LHFPL3: variants seen among roughly 807,000 people sequenced by gnomAD.
The protein encoded by LHFPL3 is LHFPL tetraspan subfamily member 3.
Under a neutral mutation model 19.3 loss-of-function variants are expected in LHFPL3, and 5 were observed. The ratio of observed to expected loss-of-function variants is 0.26; its 90% CI spans 0.14 to 0.54. LHFPL3 has a LOEUF of 0.54. Among genes scored for constraint, LHFPL3 ranks in the 20% least tolerant of loss-of-function variants. LHFPL3 has a pLI of 0.94. For missense variants in LHFPL3, 249 were observed against 307.4 expected, an observed-to-expected ratio of 0.81 and a Z score of 1.42; for synonymous variants, 133 against 126.2, an observed-to-expected ratio of 1.05 and a Z score of -0.36.
intron 2 of LHFPL3, among the ~76,000 whole-genome samples, chr7:104,759,165 T>C (rs1365814523): frequency 6.6e-6 from 1 of 152,188 alleles, no homozygotes; most frequent in Non-Finnish European, 1.5e-5. Flanking sequence ...GAACGCTGAC[T>C]TTTTTGAATG....
At chr7:104,585,591 T>C (rs1790558515) in intron 1 of LHFPL3, among the ~76,000 whole-genome samples, 1 of 151,728 alleles carries the variant, frequency 6.6e-6, no homozygotes. Context: ...GCAGGCTATA[T>C]TGTTCTACAG....
intron 1 of LHFPL3, among the ~76,000 whole-genome samples, chr7:104,381,516 CCTTCCTCCTTT>C (rs1244823380): frequency 6.6e-6 from 1 of 152,026 alleles, no homozygotes; most frequent in Non-Finnish European, 1.5e-5. Context: ...TTCTTTCCTT[CCTTCCTCCTTT>C]CTTCCATCTT....
At chr7:104,673,363 T>C (rs530108031) in intron 1 of LHFPL3, among the ~76,000 whole-genome samples, 20 of 152,240 alleles carry the variant, frequency 1.3e-4, no homozygotes, top group Non-Finnish European at 2.6e-4. Context: ...ATCTATACTG[T>C]ATGTTCTCGT....
chr7:104,560,657 A>G (rs1004382002), intron 1 of LHFPL3, among the ~76,000 whole-genome samples: 59 of 151,146 alleles, frequency 3.9e-4, no homozygotes, highest in African/African-American at 1.3e-3. Flanking sequence ...ATTTTTTTGA[A>G]GAGTTTTTTG....
intron 2 of LHFPL3, among the ~76,000 whole-genome samples, chr7:104,886,571 G>A (rs1167187356): frequency 1.3e-5 from 2 of 152,140 alleles, no homozygotes; most frequent in Non-Finnish European, 2.9e-5. Context: ...TGCCATGTTG[G>A]CCAGGCTGGT....
intron 1 of LHFPL3, among the ~76,000 whole-genome samples, chr7:104,693,137 T>G (rs10256346): frequency 0.34 from 51,973 of 152,126 alleles, 9,287 homozygotes; most frequent in South Asian, 0.55. Context: ...GCATGGGGAC[T>G]GTAGCCCCTT....
Position 104,453,191 on chromosome 7 carries a change from C to T in LHFPL3, c.445+123967C>T, listed in dbSNP as rs140322899. ...AATTAAACAGGCAAGACTGCTTCAA[C>T]AGGGCAGAGAAGTTGAACTCAACTC... On this transcript the variant is annotated intron_variant, in intron 1 of 2. Coordinates refer to ENST00000424859, the MANE Select transcript of LHFPL3 (RefSeq NM_199000.3). Among the ~76,000 whole-genome samples the T allele has an allele frequency of 9.9e-5, 15 of 151,700 alleles. No individual in the cohort carries two copies. In the East Asian group the frequency reaches 2.9e-3, roughly 29 times the overall value.
chr7:104,372,641 A>G (rs1162165787), intron 1 of LHFPL3, among the ~76,000 whole-genome samples: 2 of 152,222 alleles, frequency 1.3e-5, no homozygotes, highest in African/African-American at 2.4e-5. Flanking sequence ...TTTATGTCAC[A>G]GAATCTCAGG....
chr7:104,329,933 T>C (rs952375792), intron 1 of LHFPL3, among the ~76,000 whole-genome samples: 1 of 152,248 alleles, frequency 6.6e-6, no homozygotes, highest in Admixed American at 6.5e-5. Flanking sequence ...AAGTCTTTAG[T>C]AAATCAAGAT....
intron 1 of LHFPL3, among the ~76,000 whole-genome samples, chr7:104,644,992 A>G (rs956059460): frequency 1.3e-5 from 2 of 152,182 alleles, no homozygotes; most frequent in African/African-American, 4.8e-5. Flanking sequence ...TGCAGTTCCC[A>G]GACCTTGTCT....
intron 1 of LHFPL3, among the ~76,000 whole-genome samples, chr7:104,460,550 T>C (rs1792640783): frequency 1.3e-5 from 2 of 152,194 alleles, no homozygotes; most frequent in African/African-American, 2.4e-5. Context: ...TTCTGACTGG[T>C]GTGAGATGGT....
At position 104,698,436 on chromosome 7, in the gene LHFPL3, G is replaced by A. The variant is rs75918405; in HGVS notation, c.446-38239G>A. On this transcript the variant is annotated intron_variant, in intron 1 of 2. Coordinates refer to ENST00000424859, the MANE Select transcript of LHFPL3 (RefSeq NM_199000.3). ...GTTTAAAATCCTATAAGGAACAAAA[G>A]CACAGACAATAAAAGACAAAATAGG... Among the ~76,000 whole-genome samples the A allele has an allele frequency of 3.2e-4, 49 of 152,178 alleles. No individual in the cohort carries two copies. The East Asian group carries it at 5.8e-3, about 18-fold the overall frequency.
At chr7:104,859,738 T>C (rs1490755943) in intron 2 of LHFPL3, among the ~76,000 whole-genome samples, 2 of 152,118 alleles carry the variant, frequency 1.3e-5, no homozygotes, top group Non-Finnish European at 2.9e-5. Flanking sequence ...TTTAGAACAA[T>C]GAAACTACTT....
intron 2 of LHFPL3, among the ~76,000 whole-genome samples, chr7:104,824,588 T>A (rs1223069959): frequency 1.3e-5 from 1 of 77,060 alleles, no homozygotes; most frequent in Non-Finnish European, 2.2e-5. Flanking sequence ...ATATAATATA[T>A]ATAATTATAT....
chr7:104,850,790 C>A (rs10227564), intron 2 of LHFPL3, among the ~76,000 whole-genome samples: 15,929 of 151,992 alleles, frequency 0.1, 1,773 homozygotes, highest in East Asian at 0.44. Context: ...GATACCCCCC[C>A]ACCCCCGCCA....
At chr7:104,740,330 G>C (rs1454626632) in intron 2 of LHFPL3, among the ~76,000 whole-genome samples, 1 of 152,142 alleles carries the variant, frequency 6.6e-6, no homozygotes, top group Non-Finnish European at 1.5e-5. Context: ...AACAACAAGA[G>C]CATTATAGTG....
chr7:104,708,441 A>C (rs1039721870), intron 1 of LHFPL3, among the ~76,000 whole-genome samples: 1 of 152,212 alleles, frequency 6.6e-6, no homozygotes, highest in African/African-American at 2.4e-5. Context: ...AGATATTCCC[A>C]GACTGCCTCA....
chr7:104,781,117 C>T (rs1348112035), intron 2 of LHFPL3, among the ~76,000 whole-genome samples: 6 of 152,144 alleles, frequency 3.9e-5, no homozygotes, highest in Non-Finnish European at 2.9e-5. Context: ...AAAAAATTCA[C>T]GTAACCACAG....
intron 1 of LHFPL3, among the ~76,000 whole-genome samples, chr7:104,361,280 A>G (rs1790386752): frequency 1.3e-5 from 2 of 152,160 alleles, no homozygotes; most frequent in Non-Finnish European, 2.9e-5. Context: ...CATTGTTTCC[A>G]TTGTTTCAGG....
Sources: gnomAD v4.1 joint callset for allele counts (sites outside exome capture counted in the v4.1 genomes callset) on GRCh38, gnomAD v4.1.1 for gene constraint, MANE v1.5 for transcripts, NCBI Gene and HGNC (gene_info 2026-07-23, HGNC 2026-07-21) for gene names.